SLC24A2: variants seen among roughly 807,000 people sequenced by gnomAD.
The protein encoded by SLC24A2 is solute carrier family 24 member 2, also known as sodium/potassium/calcium exchanger 2.
In SLC24A2, 36 loss-of-function variants were observed where a neutral mutation model predicts 62.0. That is an observed-to-expected ratio of 0.58 (90% CI 0.44 to 0.77). The LOEUF (loss-of-function observed/expected upper bound fraction) is 0.77. Ranked by LOEUF, SLC24A2 falls within the 30% of genes least tolerant of loss-of-function variation. SLC24A2 has a pLI of 0.00. For missense variants in SLC24A2, 846 were observed against 817.9 expected (o/e 1.03, Z -0.42); for synonymous variants, 358 against 294.0 (o/e 1.22, Z -2.23).
the SLC24A2 span, among the ~76,000 whole-genome samples, chr9:19,994,826 C>T: frequency 6.6e-6 from 1 of 152,190 alleles, no homozygotes; most frequent in African/African-American, 2.4e-5. Flanking sequence ...GCTATTGAAG[C>T]CTTTGCACAC....
chr9:20,149,568 C>T, the SLC24A2 span, among the ~76,000 whole-genome samples: 1 of 151,948 alleles, frequency 6.6e-6, no homozygotes, highest in Non-Finnish European at 1.5e-5. Context: ...TTTGCTACTA[C>T]ATCATGCAAT....
At chr9:19,562,429 G>C (rs1401691192) in intron 7 of SLC24A2, among the ~76,000 whole-genome samples, 1 of 152,022 alleles carries the variant, frequency 6.6e-6, no homozygotes, top group Non-Finnish European at 1.5e-5. Flanking sequence ...AATGACAAGT[G>C]GCATTTTTAC....
the SLC24A2 span, among the ~76,000 whole-genome samples, chr9:19,954,360 G>T: frequency 6.6e-6 from 1 of 151,978 alleles, no homozygotes; most frequent in African/African-American, 2.4e-5. Flanking sequence ...CACTAATGCT[G>T]GATAAGGAGG....
At chr9:20,287,095 T>A in the SLC24A2 span, among the ~76,000 whole-genome samples, 1 of 152,192 alleles carries the variant, frequency 6.6e-6, no homozygotes, top group Non-Finnish European at 1.5e-5. Flanking sequence ...TCTGATGCAG[T>A]GAGCTGCATT....
the SLC24A2 span, among the ~76,000 whole-genome samples, chr9:19,821,139 T>A: frequency 6.6e-6 from 1 of 152,076 alleles, no homozygotes; most frequent in Non-Finnish European, 1.5e-5. Context: ...TTTAACTGCC[T>A]ACACTTCTGT....
the SLC24A2 span, among the ~76,000 whole-genome samples, chr9:20,040,915 A>G: frequency 2.0e-4 from 31 of 152,322 alleles, no homozygotes; most frequent in Non-Finnish European, 2.9e-5. Context: ...ATAATTTTCT[A>G]TGGGTCACAC....
chr9:19,684,843 T>C (rs1333384462), intron 2 of SLC24A2, among the ~76,000 whole-genome samples: 1 of 151,968 alleles, frequency 6.6e-6, no homozygotes, highest in East Asian at 1.9e-4. Flanking sequence ...CTAATATTCC[T>C]AGCCAGAGCA....
At chr9:20,263,872 C>CCT in the SLC24A2 span, among the ~76,000 whole-genome samples, 1 of 124,062 alleles carries the variant, frequency 8.1e-6, no homozygotes, top group African/African-American at 2.9e-5. Flanking sequence ...CCCCCCCCCC[C>CCT]CCATTAAGGC....
At chr9:19,719,920 C>T (rs1004788573) in intron 2 of SLC24A2, among the ~76,000 whole-genome samples, 1 of 152,080 alleles carries the variant, frequency 6.6e-6, no homozygotes, top group African/African-American at 2.4e-5. Flanking sequence ...GCAAGCAAAC[C>T]ACAGTAGCTT....
At chr9:20,303,127 T>G in the SLC24A2 span, among the ~76,000 whole-genome samples, 2 of 152,152 alleles carry the variant, frequency 1.3e-5, no homozygotes, top group African/African-American at 4.8e-5. Context: ...TCTGTATTTT[T>G]TTTCTTTAAA....
At chr9:20,012,069 C>G in the SLC24A2 span, among the ~76,000 whole-genome samples, 2 of 152,146 alleles carry the variant, frequency 1.3e-5, no homozygotes, top group Non-Finnish European at 2.9e-5. Flanking sequence ...TGTGACAAAC[C>G]TATGGCTAAC....
chr9:19,524,578 G>A (rs956240321), intron 9 of SLC24A2, among the ~76,000 whole-genome samples: 16 of 152,178 alleles, frequency 1.1e-4, no homozygotes, highest in African/African-American at 3.9e-4. Context: ...GGATTTTATA[G>A]TTCAGAAGTA....
chr9:20,074,160 T>A, the SLC24A2 span, among the ~76,000 whole-genome samples: 2 of 152,058 alleles, frequency 1.3e-5, no homozygotes, highest in African/African-American at 4.8e-5. Flanking sequence ...AGAAAACACA[T>A]TATAACCTCT....
chr9:20,104,692 G>A, the SLC24A2 span, among the ~76,000 whole-genome samples: 5 of 152,176 alleles, frequency 3.3e-5, no homozygotes, highest in South Asian at 1.0e-3. Context: ...AAGAGCTCCT[G>A]AAGGAAGCAC....
At chr9:19,720,675 C>A (rs1399747504) in intron 2 of SLC24A2, among the ~76,000 whole-genome samples, 2 of 137,558 alleles carry the variant, frequency 1.5e-5, no homozygotes, top group African/African-American at 5.8e-5. Context: ...TGTATATTAA[C>A]AATTACAATG....
the SLC24A2 span, among the ~76,000 whole-genome samples, chr9:20,086,868 A>C: frequency 6.6e-6 from 1 of 152,232 alleles, no homozygotes; most frequent in Non-Finnish European, 1.5e-5. Flanking sequence ...AGTTATATGC[A>C]TGAGCCTTGT....
the SLC24A2 span, among the ~76,000 whole-genome samples, chr9:20,055,230 A>G: frequency 1.3e-5 from 2 of 152,188 alleles, no homozygotes; most frequent in Non-Finnish European, 2.9e-5. Flanking sequence ...TAGTGCTCTC[A>G]TGGGAGCACA....
the SLC24A2 span, among the ~76,000 whole-genome samples, chr9:20,014,956 T>C: frequency 6.6e-6 from 1 of 152,226 alleles, no homozygotes; most frequent in South Asian, 2.1e-4. Context: ...TCATGCTACA[T>C]TGTATACGTT....
the SLC24A2 span, among the ~76,000 whole-genome samples, chr9:20,082,992 A>G: frequency 2.6e-5 from 4 of 152,210 alleles, no homozygotes; most frequent in African/African-American, 9.6e-5. Flanking sequence ...TTTTCTTGGC[A>G]TGAATGCCCT....
Sources: allele counts gnomAD v4.1 joint callset (sites outside exome capture counted in the v4.1 genomes callset), GRCh38; gene constraint gnomAD v4.1.1; transcripts MANE v1.5; gene names NCBI Gene and HGNC (gene_info 2026-07-23, HGNC 2026-07-21).